The following ARHGAP42 variants were observed in gnomAD, a reference collection of about 807,000 sequenced individuals.
The protein encoded by ARHGAP42 is rho GTPase-activating protein 42.
Under a neutral mutation model 125.0 loss-of-function variants are expected in ARHGAP42, and 63 were observed. The ratio of observed to expected loss-of-function variants is 0.50; its 90% CI spans 0.41 to 0.62. The LOEUF (loss-of-function observed/expected upper bound fraction) is 0.62, where lower values mean the gene tolerates loss of function less well. Ranked by LOEUF, ARHGAP42 falls within the 20% of genes least tolerant of loss-of-function variation. The pLI is 0.00. For missense variants in ARHGAP42, 766 were observed against 1,024.2 expected (o/e 0.75, Z 3.44); for synonymous variants, 339 against 351.0 (o/e 0.97, Z 0.38).
chr11:100,853,499 A>G (rs914035372), intron 3 of ARHGAP42, among the ~76,000 whole-genome samples: 3 of 152,186 alleles, frequency 2.0e-5, no homozygotes, highest in South Asian at 2.1e-4. Flanking sequence ...AAGAAGAAGG[A>G]TACAATAAAT....
intron 6 of ARHGAP42, among the ~76,000 whole-genome samples, chr11:100,931,738 T>G (rs1867588752): frequency 6.6e-6 from 1 of 152,180 alleles, no homozygotes; most frequent in African/African-American, 2.4e-5. Context: ...CTTTTCTCTC[T>G]GAAAGGCTCT....
chr11:100,801,514 T>C (rs1436645373), intron 3 of ARHGAP42, among the ~76,000 whole-genome samples: 1 of 152,224 alleles, frequency 6.6e-6, no homozygotes, highest in African/African-American at 2.4e-5. Flanking sequence ...TAATGACTAT[T>C]TGCAGAAAAG....
chr11:100,936,399 T>C (rs581921), intron 8 of ARHGAP42, 67 bp downstream of exon 8: 949,374 of 1,536,426 alleles, frequency 0.62, 294,328 homozygotes, highest in Admixed American at 0.68. Flanking sequence ...GTGACTTGGT[T>C]AGTAGTATTT....
At chr11:100,929,307 C>G (rs1867512542) in intron 6 of ARHGAP42, among the ~76,000 whole-genome samples, 1 of 152,196 alleles carries the variant, frequency 6.6e-6, no homozygotes, top group South Asian at 2.1e-4. Flanking sequence ...TCACCCAGGT[C>G]TCACCTCCTG....
rs1408759926 is a variant in ARHGAP42 at position 100,722,377 on chromosome 11, TA to T, written c.154+34553del. On this transcript the variant is annotated intron_variant, in intron 1 of 23. Coordinates refer to ENST00000298815, the MANE Select transcript of ARHGAP42 (RefSeq NM_152432.4). ...ATCAGATATGTGTTTTGCAAAGTTT[TA>T]AAAAAAATTTATTACTTTTTTTTTT... is the stretch of plus-strand genomic sequence containing the variant. Among the ~76,000 whole-genome samples, 8 of 150,268 alleles carry T rather than the reference TA, an allele frequency of 5.3e-5. No individual in the cohort carries two copies. In the South Asian group the frequency reaches 8.4e-4, roughly 16 times the overall value.
At chr11:100,900,990 A>T (rs2897780) in intron 4 of ARHGAP42, among the ~76,000 whole-genome samples, 8 of 151,384 alleles carry the variant, frequency 5.3e-5, no homozygotes, top group Non-Finnish European at 7.4e-5. Context: ...TAGAATTTTC[A>T]GCTTTTCTGC....
chr11:100,807,984 T>C (rs1013995228), intron 3 of ARHGAP42, among the ~76,000 whole-genome samples: 3 of 152,186 alleles, frequency 2.0e-5, no homozygotes, highest in Non-Finnish European at 4.4e-5. Flanking sequence ...TTTGATAATA[T>C]AAAAGGTAAA....
intron 4 of ARHGAP42, among the ~76,000 whole-genome samples, chr11:100,898,377 C>G (rs1866421419): frequency 6.6e-6 from 1 of 152,100 alleles, no homozygotes; most frequent in Non-Finnish European, 1.5e-5. Flanking sequence ...GGGAAGATTC[C>G]CTCTTTTTCT....
chr11:100,985,269 T>C (rs1407873661), intron 22 of ARHGAP42, among the ~76,000 whole-genome samples: 1 of 152,146 alleles, frequency 6.6e-6, no homozygotes, highest in Non-Finnish European at 1.5e-5. Flanking sequence ...TGTTTCCTTA[T>C]CGATCTCTTT....
At chr11:100,721,423 GATTCTTCCATCTTAA>G (rs1356407620) in intron 1 of ARHGAP42, among the ~76,000 whole-genome samples, 2 of 151,746 alleles carry the variant, frequency 1.3e-5, no homozygotes, top group Admixed American at 1.3e-4. Context: ...ATGCATTTAA[GATTCTTCCATCTTAA>G]ATGCATATTC....
intron 4 of ARHGAP42, among the ~76,000 whole-genome samples, chr11:100,887,868 A>T (rs1866129007): frequency 6.6e-6 from 1 of 152,140 alleles, no homozygotes; most frequent in African/African-American, 2.4e-5. Context: ...GCTCACTAGG[A>T]GGCAATTCTC....
At chr11:100,880,444 G>T (rs779735955) in intron 4 of ARHGAP42, among the ~76,000 whole-genome samples, 3 of 151,968 alleles carry the variant, frequency 2.0e-5, no homozygotes, top group African/African-American at 4.8e-5. Context: ...CCTTTTTATG[G>T]CTGAGTAGTA....
rs560389610 is a variant in ARHGAP42, at chr11:100,868,987, T to A, written c.384+9362T>A. On this transcript the variant is annotated intron_variant, in intron 4 of 23. Transcript: ENST00000298815. Reference sequence around the variant, plus strand: ...ATACTTTCTGTCAGTGTAACTAAAGTATCATTGTAAAAATGATGAAGTAAT... The same window carrying A: ...ATACTTTCTGTCAGTGTAACTAAAGAATCATTGTAAAAATGATGAAGTAAT... 2.6e-5 allele frequency among the ~76,000 whole-genome samples: 4 copies of A among 152,232 alleles called. No individual in the cohort carries two copies. The South Asian group carries it at 8.3e-4, about 32-fold the overall frequency.
At chr11:100,703,188 A>G (rs1433813591) in intron 1 of ARHGAP42, among the ~76,000 whole-genome samples, 1 of 152,180 alleles carries the variant, frequency 6.6e-6, no homozygotes, top group African/African-American at 2.4e-5. Context: ...TTCTCAGACT[A>G]GATAATCTGG....
At chr11:100,868,924 G>GT (rs1328739045) in intron 4 of ARHGAP42, among the ~76,000 whole-genome samples, 1 of 151,934 alleles carries the variant, frequency 6.6e-6, no homozygotes, top group African/African-American at 2.4e-5. Flanking sequence ...AATGTTAATT[G>GT]TTTTTATTTT....
chr11:100,984,075 C>G (rs1858611522), intron 22 of ARHGAP42, among the ~76,000 whole-genome samples: 1 of 150,586 alleles, frequency 6.6e-6, no homozygotes, highest in Non-Finnish European at 1.5e-5. Context: ...CATGATTGCA[C>G]TATTGCATTC....
intron 3 of ARHGAP42, among the ~76,000 whole-genome samples, chr11:100,817,135 C>T (rs1373699575): frequency 5.9e-5 from 9 of 152,196 alleles, no homozygotes; most frequent in African/African-American, 2.2e-4. Flanking sequence ...GCACTGTTGA[C>T]ATTTTGAGCA....
chr11:100,831,759 C>T (rs558530435), intron 3 of ARHGAP42, among the ~76,000 whole-genome samples: 2 of 152,284 alleles, frequency 1.3e-5, no homozygotes, highest in South Asian at 4.1e-4. Context: ...AGCTTAAATA[C>T]TTCCACTATA....
intron 3 of ARHGAP42, among the ~76,000 whole-genome samples, chr11:100,823,255 G>A (rs1864443541): frequency 6.6e-6 from 1 of 152,142 alleles, no homozygotes; most frequent in African/African-American, 2.4e-5. Flanking sequence ...AGGTCTAGGA[G>A]CACCATTTGC....
Sources: gnomAD v4.1 joint callset for allele counts (sites outside exome capture counted in the v4.1 genomes callset) on GRCh38, gnomAD v4.1.1 for gene constraint, MANE v1.5 for transcripts, NCBI Gene and HGNC (gene_info 2026-07-23, HGNC 2026-07-21) for gene names.